The following DPY19L3 variants were observed in gnomAD, a reference collection of about 807,000 sequenced individuals.
The protein encoded by DPY19L3 is dpy-19 like C-mannosyltransferase 3.
In DPY19L3, 51 loss-of-function variants were observed where a neutral mutation model predicts 92.3. The observed-to-expected ratio is 0.55, with a 90% CI of 0.44 to 0.70. DPY19L3 has a LOEUF of 0.70. Ranked by LOEUF, DPY19L3 falls within the 30% of genes least tolerant of loss-of-function variation. The pLI is 0.00. For synonymous variants in DPY19L3, 309 were observed against 315.2 expected (o/e 0.98, Z 0.21); for missense variants, 706 against 855.9 (o/e 0.82, Z 2.18).
In DPY19L3 at chr19:32,482,181, T is replaced by C. The variant is rs1970694038; in HGVS notation, c.2092T>C (p.Phe698Leu). The C allele has an allele frequency of 6.2e-7, 1 of 1,613,770 alleles. No homozygotes were observed. Among genetic ancestry groups the C allele is most frequent in the Admixed American group, 1.7e-5 (1 of 59,984 alleles). The change falls in exon 19 of 19, where the codon TTC (phenylalanine) becomes CTC (leucine). Residue 698 changes from phenylalanine (F) to leucine (L), a missense_variant. Physicochemically the swap from Phe to Leu is conservative, Grantham distance 22. Transcript: ENST00000392250. ...KRNLPPYVAY[F>L]TRVFQNKTFH... The stretch of plus-strand genomic sequence containing the variant: ...AAACCTGCCTCCCTACGTGGCCTAC[T>C]TCACCAGAGTGTTCCAGAACAAAAC...
Position 32,485,392 on chromosome 19 carries a change from A to AGAGT in DPY19L3, c.*3153_*3154insAGTG, listed in dbSNP as rs1555729181. 1.3e-5 allele frequency: 2 copies of AGAGT among 149,768 alleles called. No individual in the cohort carries two copies. The highest frequency in any genetic ancestry group is 4.9e-5 in the African/African-American group (2 of 40,896). The allele number at this position is 149,768 out of a possible 1,614,324, so 9.3% of individuals were successfully genotyped here. ...ACCCTTGTGAGATCAGCGTGACAGG[A>AGAGT]GTGTGTGTGTGTGTGTGTGTTTCTG... On this transcript the variant is annotated 3_prime_UTR_variant, in exon 19 of 19. Coordinates refer to ENST00000392250, the MANE Select transcript of DPY19L3 (RefSeq NM_001172774.2).
chr19:32,432,820 A>AT lies in DPY19L3; in HGVS notation c.328+15dup. ...CCCTCGTGCAAGGTAATTACAACTG[A>AT]TAGTTTCATTTGGGGTCTCCTGCAT... On this transcript the variant is annotated intron_variant, in intron 4 of 18. Coordinates refer to ENST00000392250, the MANE Select transcript of DPY19L3 (RefSeq NM_001172774.2). The AT allele has an allele frequency of 1.2e-6, 2 of 1,611,936 alleles. No homozygotes were observed. Among genetic ancestry groups the AT allele is most frequent in the East Asian group, 4.5e-5 (2 of 44,806 alleles).
At chr19:32,452,511 A>G (rs2145559178) in intron 8 of DPY19L3, among the ~76,000 whole-genome samples, 1 of 152,376 alleles carries the variant, frequency 6.6e-6, no homozygotes, top group Admixed American at 6.5e-5. Flanking sequence ...AACTGAAATC[A>G]TTGAAAAGAA....
At chr19:32,464,673 C>T in intron 14 of DPY19L3, 55 bp from the exon 15 acceptor site, 2 of 1,183,026 alleles carry the variant, frequency 1.7e-6, no homozygotes, top group South Asian at 3.0e-5. Flanking sequence ...CCCTGTCTCT[C>T]AAAAAAGAAA....
At chr19:32,472,529 G>A (rs1486706569) in intron 16 of DPY19L3, among the ~76,000 whole-genome samples, 1 of 87,696 alleles carries the variant, frequency 1.1e-5, no homozygotes, top group Non-Finnish European at 2.0e-5. Context: ...TTAAAAACTT[G>A]GATTTTTTTT....
chr19:32,467,498 T>G (rs952150099), intron 15 of DPY19L3: 1 of 987,438 alleles, frequency 1.0e-6, no homozygotes, highest in African/African-American at 1.7e-5. Context: ...ACACCTGATT[T>G]CCCATCACTA....
chr19:32,467,545 T>G, intron 15 of DPY19L3: 10 of 987,576 alleles, frequency 1.0e-5, no homozygotes, highest in Non-Finnish European at 1.2e-5. Context: ...GAGACAAGAT[T>G]TGAATGAGCA....
intron 7 of DPY19L3, 82 bp downstream of exon 7, chr19:32,439,317 C>A: frequency 7.0e-7 from 1 of 1,421,310 alleles, no homozygotes; most frequent in Non-Finnish European, 9.6e-7. Context: ...GCTTAGTATC[C>A]CAATGCATGT....
At chr19:32,457,814 G>A (rs1969914138) in intron 10 of DPY19L3, among the ~76,000 whole-genome samples, 1 of 152,042 alleles carries the variant, frequency 6.6e-6, no homozygotes, top group African/African-American at 2.4e-5. Context: ...CCCTCTCCCT[G>A]AAACCAAAAA....
intron 3 of DPY19L3, chr19:32,428,172 A>G (rs1387911748): frequency 6.6e-6 from 1 of 152,102 alleles, no homozygotes; most frequent in East Asian, 1.9e-4. Context: ...GGGTTTCGCC[A>G]TGTTGGCCAG....
At chr19:32,481,564 A>C (rs2145646342) in intron 18 of DPY19L3, 1 of 152,404 alleles carries the variant, frequency 6.6e-6, no homozygotes, top group South Asian at 2.1e-4. Flanking sequence ...ACAGGCATAC[A>C]TCACCATACC....
chr19:32,406,677 C>A (rs1967965178), intron 1 of DPY19L3, among the ~76,000 whole-genome samples: 1 of 152,152 alleles, frequency 6.6e-6, no homozygotes, highest in African/African-American at 2.4e-5. Context: ...AATAAAGAAT[C>A]GCTTCTGGTC....
intron 16 of DPY19L3, among the ~76,000 whole-genome samples, chr19:32,469,744 G>A (rs972190177): frequency 6.6e-6 from 1 of 152,094 alleles, no homozygotes; most frequent in Non-Finnish European, 1.5e-5. Context: ...TTTTGCCTCA[G>A]CATTCAGCAT....
At chr19:32,473,943 C>T (rs1221653178) in intron 16 of DPY19L3, among the ~76,000 whole-genome samples, 2 of 152,108 alleles carry the variant, frequency 1.3e-5, no homozygotes, top group Non-Finnish European at 2.9e-5. Flanking sequence ...AGTGGGACTA[C>T]AGGCAGGCGC....
intron 16 of DPY19L3, among the ~76,000 whole-genome samples, chr19:32,477,123 T>TTGTGC (rs1176988595): frequency 6.6e-6 from 1 of 152,122 alleles, no homozygotes; most frequent in Non-Finnish European, 1.5e-5. Flanking sequence ...CAGGAGAGGA[T>TTGTGC]TGTGGGTCTT....
At chr19:32,453,030 A>G (rs1336834157) in intron 8 of DPY19L3, 115 bp from the exon 9 acceptor site, 21 of 1,221,978 alleles carry the variant, frequency 1.7e-5, no homozygotes, top group South Asian at 1.6e-4. Context: ...TTGAATCTAC[A>G]TGTGTTTTCT....
chr19:32,458,830 A>G (rs1453185539), intron 12 of DPY19L3, among the ~76,000 whole-genome samples: 3 of 152,288 alleles, frequency 2.0e-5, no homozygotes, highest in Non-Finnish European at 2.9e-5. Context: ...ACTCTACAGG[A>G]TATTTGAGAA....
intron 8 of DPY19L3, among the ~76,000 whole-genome samples, chr19:32,445,455 A>AAAAAAAAC (rs1050167060): frequency 6.7e-6 from 1 of 149,374 alleles, no homozygotes; most frequent in African/African-American, 2.5e-5. Flanking sequence ...AAAAAAAAAA[A>AAAAAAAAC]AAAAAACCAT....
chr19:32,435,495 G>A (rs1969108773), intron 4 of DPY19L3, among the ~76,000 whole-genome samples: 1 of 152,130 alleles, frequency 6.6e-6, no homozygotes, highest in South Asian at 2.1e-4. Context: ...GGGCTTTCTA[G>A]GTCAAAGGGT....
Sources: allele counts gnomAD v4.1 joint callset (sites outside exome capture counted in the v4.1 genomes callset), GRCh38; gene constraint gnomAD v4.1.1; transcripts MANE v1.5; gene names NCBI Gene and HGNC (gene_info 2026-07-23, HGNC 2026-07-21).